Variants in MAPT observed in about 807,000 individuals in gnomAD.
The protein encoded by MAPT is microtubule associated protein tau.
A neutral mutation model predicts 67.9 loss-of-function variants in MAPT; 34 were observed. The ratio of observed to expected loss-of-function variants is 0.50; its 90% CI spans 0.38 to 0.67. The LOEUF (loss-of-function observed/expected upper bound fraction) is 0.67, where lower values mean the gene tolerates loss of function less well. MAPT is among the 30% of genes least tolerant of loss of function. The probability of loss-of-function intolerance (pLI) is 0.00; values close to 1 mark genes in which losing one functional copy is unlikely to be tolerated. For missense variants in MAPT, 881 were observed against 1,115.2 expected (o/e 0.79, Z 2.99); for synonymous variants, 456 against 464.5 (o/e 0.98, Z 0.23).
chr17:45,986,996 T>C (rs754881699), intron 5 of MAPT, 44 bp from the exon 6 acceptor site: 2 of 1,568,186 alleles, frequency 1.3e-6, no homozygotes, highest in Non-Finnish European at 1.8e-6. Flanking sequence ...CTGTGAACAG[T>C]GAAAATGGAG....
intron 1 of MAPT, among the ~76,000 whole-genome samples, chr17:45,905,216 C>A (rs2064225406): frequency 6.6e-6 from 1 of 152,148 alleles, no homozygotes; most frequent in Non-Finnish European, 1.5e-5. Context: ...CTCACCTGAA[C>A]CTTATTAAAA....
At chr17:45,904,426 C>T (rs1368902400) in intron 1 of MAPT, among the ~76,000 whole-genome samples, 1 of 104,784 alleles carries the variant, frequency 9.5e-6, no homozygotes, top group African/African-American at 3.2e-5. Context: ...TGAGGCCAGG[C>T]TCGGTGGCTC....
chr17:45,939,794 G>A (rs996331961), intron 1 of MAPT, among the ~76,000 whole-genome samples: 4 of 152,170 alleles, frequency 2.6e-5, no homozygotes, highest in African/African-American at 9.7e-5. Context: ...TTGGGGCTAC[G>A]TCTGAGGAGA....
chr17:45,972,476 A>G (rs889890262), intron 3 of MAPT, among the ~76,000 whole-genome samples: 1 of 152,118 alleles, frequency 6.6e-6, no homozygotes, highest in South Asian at 2.1e-4. Context: ...ACTTTCTGAC[A>G]TGCTCCTCAG....
intron 1 of MAPT, among the ~76,000 whole-genome samples, chr17:45,938,810 AT>A (rs368157488): frequency 0.033 from 3,876 of 118,036 alleles, 119 homozygotes; most frequent in African/African-American, 0.1. Context: ...TGCCCAGCTA[AT>A]TTTTTTTTTT....
At chr17:45,972,523 T>C (rs1216834070) in intron 3 of MAPT, among the ~76,000 whole-genome samples, 1 of 152,216 alleles carries the variant, frequency 6.6e-6, no homozygotes, top group Non-Finnish European at 1.5e-5. Flanking sequence ...TTCCCATCTG[T>C]GTCAGTCAAG....
intron 1 of MAPT, among the ~76,000 whole-genome samples, chr17:45,933,008 G>A (rs1396880952): frequency 2.0e-5 from 3 of 152,148 alleles, no homozygotes; most frequent in Non-Finnish European, 4.4e-5. Flanking sequence ...CTTGAACCCA[G>A]GAGGCGGAGA....
chr17:45,980,745 C>T (rs2435206), intron 4 of MAPT, among the ~76,000 whole-genome samples: 44,307 of 151,932 alleles, frequency 0.29, 6,528 homozygotes, highest in Middle Eastern at 0.36. Flanking sequence ...CTCTAGTAAG[C>T]TCTAGGAGGA....
chr17:45,952,830 C>T (rs894843065), intron 1 of MAPT, among the ~76,000 whole-genome samples: 3 of 152,142 alleles, frequency 2.0e-5, no homozygotes, highest in African/African-American at 7.2e-5. Flanking sequence ...TTCTTCCATA[C>T]CCTAGACCTG....
At chr17:45,925,133 A>G (rs982711267) in intron 1 of MAPT, among the ~76,000 whole-genome samples, 1 of 152,088 alleles carries the variant, frequency 6.6e-6, no homozygotes, top group African/African-American at 2.4e-5. Flanking sequence ...CTTGTGTTTG[A>G]CGCATGATAG....
At chr17:46,002,346 T>C (rs984921426) in intron 9 of MAPT, among the ~76,000 whole-genome samples, 3 of 151,392 alleles carry the variant, frequency 2.0e-5, no homozygotes, top group African/African-American at 4.9e-5. Context: ...CTGGGAAACA[T>C]AGAGGAGAAC....
chr17:46,004,300 G>T (rs1293462812), intron 9 of MAPT, among the ~76,000 whole-genome samples: 4 of 152,162 alleles, frequency 2.6e-5, no homozygotes, highest in Non-Finnish European at 1.5e-5. Context: ...ACCAGATCAA[G>T]GTCTAGTGAG....
At chr17:46,014,738 G>T (rs965019294) in intron 11 of MAPT, among the ~76,000 whole-genome samples, 1 of 152,180 alleles carries the variant, frequency 6.6e-6, no homozygotes, top group East Asian at 1.9e-4. Flanking sequence ...GCCGGGCGTG[G>T]TGGTGGGCGC....
intron 8 of MAPT, chr17:45,994,006 A>G (rs2145800097): frequency 6.5e-6 from 10 of 1,549,712 alleles, no homozygotes; most frequent in African/African-American, 1.4e-5. Context: ...CGCTGGGAGC[A>G]GCCTCCCTTT....
rs150725568 is a variant in MAPT, at chr17:45,930,264, G to A, written c.-17-32057G>A. Among the ~76,000 whole-genome samples, 914 of 152,170 alleles carry A rather than the reference G, an allele frequency of 6.0e-3. 27 individuals are homozygous for A. The highest frequency in any genetic ancestry group is 0.054 in the Admixed American group (823 of 15,260). ...AAACAAAACAAAACAAAAATTAGCC[G>A]GGTATGGTGGCATGCACCTGTGGTA... On this transcript the variant is annotated intron_variant, in intron 1 of 12. Transcript: ENST00000262410.
chr17:45,971,398 C>T lies in MAPT; in HGVS notation c.134-461C>T, dbSNP rs1261400310. ...CACCCAATGTCCACTTAGAAGTAAGCACCGTGTCTGCCCTGAGCTGACTCC... is the reference window on the plus strand; with the variant it reads ...CACCCAATGTCCACTTAGAAGTAAGTACCGTGTCTGCCCTGAGCTGACTCC... On this transcript the variant is annotated intron_variant, in intron 2 of 12. Coordinates refer to ENST00000262410, the MANE Select transcript of MAPT (RefSeq NM_001377265.1). This position sits in a 1 kb window ranked among gnomAD's most constrained non-coding sequence, Gnocchi z 4.3. Among the ~76,000 whole-genome samples, 1 of 152,214 alleles carries T rather than the reference C, an allele frequency of 6.6e-6. No individual in the cohort carries two copies. Among genetic ancestry groups the T allele is most frequent in the Non-Finnish European group, 1.5e-5 (1 of 68,034 alleles).
chr17:46,006,840 G>A (rs928147835), intron 9 of MAPT, among the ~76,000 whole-genome samples: 3 of 151,716 alleles, frequency 2.0e-5, no homozygotes, highest in South Asian at 2.1e-4. Flanking sequence ...GGAGAATGGC[G>A]TGAACCCGGG....
intron 10 of MAPT, among the ~76,000 whole-genome samples, chr17:46,013,827 G>A (rs1283826237): frequency 6.6e-6 from 1 of 152,110 alleles, no homozygotes; most frequent in African/African-American, 2.4e-5. Context: ...TCATCATATT[G>A]ATCACTTTTT....
At chr17:45,962,835 G>T (rs2070600819) in intron 2 of MAPT, among the ~76,000 whole-genome samples, 1 of 152,034 alleles carries the variant, frequency 6.6e-6, no homozygotes, top group Non-Finnish European at 1.5e-5. Context: ...TGAGGCAGAA[G>T]GATCACTTGA....
Sources: allele counts gnomAD v4.1 joint callset (sites outside exome capture counted in the v4.1 genomes callset), GRCh38; gene constraint gnomAD v4.1.1; non-coding constraint Gnocchi (gnomAD v3.1); transcripts MANE v1.5; gene names NCBI Gene and HGNC (gene_info 2026-07-23, HGNC 2026-07-21).